DCC: variants seen among roughly 807,000 people sequenced by gnomAD.
The protein encoded by DCC is netrin receptor DCC.
Under a neutral mutation model 172.5 loss-of-function variants are expected in DCC, and 58 were observed. The observed-to-expected ratio is 0.34, with a 90% confidence interval of 0.27 to 0.42. The LOEUF is 0.42. Among genes scored for constraint, DCC ranks in the 10% least tolerant of loss-of-function variants. The pLI, the probability that DCC is intolerant of heterozygous loss-of-function variation, is 1.00. For missense variants in DCC, 1,740 were observed against 1,791.0 expected, an observed-to-expected ratio of 0.97 and a Z score of 0.51; for synonymous variants, 709 against 644.5, an observed-to-expected ratio of 1.10 and a Z score of -1.52.
At chr18:52,884,310 CCTCTTG>C (rs2039538517) in intron 2 of DCC, among the ~76,000 whole-genome samples, 1 of 151,968 alleles carries the variant, frequency 6.6e-6, no homozygotes, top group Admixed American at 6.6e-5. Flanking sequence ...TTCTCTACTT[CCTCTTG>C]AAGACCATTG....
At position 53,491,416 on chromosome 18, in the gene DCC, G is replaced by T. The variant is rs369234466; in HGVS notation, c.3898+4458G>T. On this transcript the variant is annotated intron_variant, in intron 26 of 28. Transcript: ENST00000442544. ...TGGGGTACATGTGCAGAATGTACAG[G>T]TTTGTTACATAGATATACACGTGCC... 1.7e-4 allele frequency among the ~76,000 whole-genome samples: 26 copies of T among 152,114 alleles called. 1 individual carries two copies. The South Asian group carries it at 4.0e-3, about 23-fold the overall frequency.
At chr18:53,184,149 T>C (rs903620585) in intron 9 of DCC, among the ~76,000 whole-genome samples, 3 of 151,742 alleles carry the variant, frequency 2.0e-5, no homozygotes, top group African/African-American at 7.3e-5. Context: ...ATTTATAGTT[T>C]AGAACTAGCT....
At chr18:53,430,150 A>G (rs1014797977) in intron 21 of DCC, among the ~76,000 whole-genome samples, 1 of 152,098 alleles carries the variant, frequency 6.6e-6, no homozygotes, top group Admixed American at 6.6e-5. Context: ...AATCAATGCA[A>G]TTTCTATCAT....
intron 3 of DCC, among the ~76,000 whole-genome samples, chr18:52,921,154 A>G (rs578113415): frequency 6.6e-6 from 1 of 152,106 alleles, no homozygotes; most frequent in East Asian, 1.9e-4. Context: ...TAAAGGGTGT[A>G]AATAATGTCA....
chr18:53,472,438 C>T (rs1050415173), intron 25 of DCC, among the ~76,000 whole-genome samples: 15 of 152,132 alleles, frequency 9.9e-5, no homozygotes, highest in African/African-American at 3.4e-4. Context: ...CACTTAGTTG[C>T]CTTTTTTCCC....
At chr18:52,807,039 A>G (rs1416758263) in intron 2 of DCC, among the ~76,000 whole-genome samples, 1 of 152,106 alleles carries the variant, frequency 6.6e-6, no homozygotes, top group Non-Finnish European at 1.5e-5. Flanking sequence ...CTAAACACAA[A>G]AATTAGTTAG....
intron 1 of DCC, among the ~76,000 whole-genome samples, chr18:52,663,675 A>G (rs1168136648): frequency 1.3e-5 from 2 of 152,242 alleles, no homozygotes; most frequent in Non-Finnish European, 2.9e-5. Flanking sequence ...TGCTACATCT[A>G]TATTGACAGA....
chr18:53,329,036 C>A (rs951156179), intron 14 of DCC, among the ~76,000 whole-genome samples: 3 of 152,074 alleles, frequency 2.0e-5, no homozygotes, highest in Non-Finnish European at 4.4e-5. Context: ...AAAAGCCCAT[C>A]ATCTAATTAA....
At chr18:53,418,340 C>T (rs906409074) in intron 21 of DCC, among the ~76,000 whole-genome samples, 5 of 152,064 alleles carry the variant, frequency 3.3e-5, no homozygotes, top group Non-Finnish European at 7.4e-5. Flanking sequence ...GAGTTGATGA[C>T]CACATGCATG....
At position 52,678,133 on chromosome 18, in the gene DCC, T is replaced by C. The variant is rs898494307; in HGVS notation, c.92-73921T>C. On this transcript the variant is annotated intron_variant, in intron 1 of 28. Transcript: ENST00000442544. ...ACTATACTGATCAGCCTTTGCCCTT[T>C]AGACTGACATCAAAAACTCTGCCCT... Among the ~76,000 whole-genome samples the C allele has an allele frequency of 3.3e-5, 5 of 152,150 alleles. No individual in the cohort carries two copies. The South Asian group carries it at 1.0e-3, about 32-fold the overall frequency.
At chr18:52,472,846 G>T (rs978180799) in intron 1 of DCC, among the ~76,000 whole-genome samples, 9 of 152,156 alleles carry the variant, frequency 5.9e-5, no homozygotes, top group African/African-American at 2.2e-4. Flanking sequence ...GTTTGAGGCT[G>T]CAGTCAACTA....
intron 2 of DCC, among the ~76,000 whole-genome samples, chr18:52,791,168 TTC>T (rs967211434): frequency 3.9e-5 from 6 of 152,180 alleles, no homozygotes; most frequent in Non-Finnish European, 5.9e-5. Context: ...TTTTGGGGAA[TTC>T]TCTCTGTGCC....
chr18:53,312,153 C>CAA (rs895203731), intron 13 of DCC, among the ~76,000 whole-genome samples: 58 of 26,694 alleles, frequency 2.2e-3, no homozygotes, highest in East Asian at 0.02. Context: ...GCTAAAAATA[C>CAA]AAAAAAAAAA....
At chr18:53,319,454 G>A (rs1390539901) in intron 13 of DCC, among the ~76,000 whole-genome samples, 1 of 151,950 alleles carries the variant, frequency 6.6e-6, no homozygotes, top group African/African-American at 2.4e-5. Context: ...AGAAAAAAAA[G>A]CAGGGGTTGC....
chr18:52,995,902 G>A (rs1389210566), intron 5 of DCC, among the ~76,000 whole-genome samples: 1 of 150,330 alleles, frequency 6.7e-6, no homozygotes, highest in Non-Finnish European at 1.5e-5. Context: ...TCTGTCTCCT[G>A]CTTTTTTTTT....
chr18:52,441,658 C>A (rs545812295), intron 1 of DCC, among the ~76,000 whole-genome samples: 2 of 152,084 alleles, frequency 1.3e-5, no homozygotes, highest in Admixed American at 6.6e-5. Context: ...GAGGTATTTT[C>A]TAGTAAGGTT....
intron 2 of DCC, among the ~76,000 whole-genome samples, chr18:52,875,059 G>A (rs984944551): frequency 1.3e-5 from 2 of 152,094 alleles, no homozygotes; most frequent in Admixed American, 1.3e-4. Context: ...GACAGAGGAA[G>A]TATGGCTTTA....
intron 1 of DCC, among the ~76,000 whole-genome samples, chr18:52,624,827 C>T (rs748823890): frequency 1.3e-5 from 2 of 152,110 alleles, no homozygotes; most frequent in African/African-American, 4.8e-5. Context: ...GGTTTAAAAG[C>T]GCAACTAGGC....
chr18:53,337,654 A>T (rs915568583), intron 14 of DCC, among the ~76,000 whole-genome samples: 23 of 152,350 alleles, frequency 1.5e-4, no homozygotes, highest in African/African-American at 4.8e-4. Flanking sequence ...TTGGGGGAAA[A>T]AAAAGCATCT....
Sources: allele counts gnomAD v4.1 joint callset (sites outside exome capture counted in the v4.1 genomes callset), GRCh38; gene constraint gnomAD v4.1.1; transcripts MANE v1.5; gene names NCBI Gene and HGNC (gene_info 2026-07-23, HGNC 2026-07-21).